The following CNTNAP4 variants were observed in gnomAD, a reference collection of about 807,000 sequenced individuals.
The protein encoded by CNTNAP4 is contactin-associated protein-like 4.
Under a neutral mutation model 148.4 loss-of-function variants are expected in CNTNAP4, and 98 were observed. That is an observed-to-expected ratio of 0.66 (90% CI 0.56 to 0.78). CNTNAP4 has a LOEUF of 0.78. CNTNAP4 is among the 30% of genes least tolerant of loss of function. CNTNAP4 has a pLI of 0.00. For synonymous variants in CNTNAP4, 730 were observed against 565.1 expected, an observed-to-expected ratio of 1.29 and a Z score of -4.14; for missense variants, 1,935 against 1,565.6, an observed-to-expected ratio of 1.24 and a Z score of -3.98.
chr16:76,542,873 G>A (rs2084524645), intron 21 of CNTNAP4, among the ~76,000 whole-genome samples: 2 of 152,302 alleles, frequency 1.3e-5, no homozygotes, highest in East Asian at 3.9e-4. Context: ...GAAATTTTAA[G>A]TAGGTTTTCT....
chr16:76,355,421 T>A lies in CNTNAP4; in HGVS notation c.300T>A (p.Tyr100Ter), dbSNP rs1290256588. Residue 100 changes from tyrosine (Y) to a stop codon, truncating the protein, a stop_gained, in exon 3 of 24, where the codon TAT (tyrosine) becomes TAA (stop). Coordinates refer to ENST00000611870, the MANE Select transcript of CNTNAP4 (RefSeq NM_033401.5). LOFTEE classifies it high-confidence loss of function. ...CCGCTGTGGCCACTCAAGGGGGATATGGTAGCTCCAACTGGGTGACCAGCT... is the reference window on the plus strand; with the variant it reads ...CCGCTGTGGCCACTCAAGGGGGATAAGGTAGCTCCAACTGGGTGACCAGCT... ...EVTAVATQGG[Y>*]GSSNWVTSYL... 2.5e-6 allele frequency: 4 copies of A among 1,613,306 alleles called. No individual in the cohort carries two copies. In the African/African-American group the frequency reaches 5.3e-5, roughly 22 times the overall value.
At chr16:76,384,473 G>A (rs538920645) in intron 3 of CNTNAP4, among the ~76,000 whole-genome samples, 17 of 152,164 alleles carry the variant, frequency 1.1e-4, no homozygotes, top group Non-Finnish European at 2.2e-4. Flanking sequence ...AGGGATGAAA[G>A]GAGGCCACCC....
intron 19 of CNTNAP4, 39 bp from the exon 20 acceptor site, chr16:76,539,680 G>A (rs762095965): frequency 7.2e-6 from 11 of 1,534,170 alleles, no homozygotes; most frequent in African/African-American, 1.4e-5. Context: ...CTCAAAGTAC[G>A]ATTTTTACTA....
chr16:76,521,012 C>G (rs1223773116), intron 15 of CNTNAP4, 128 bp from the exon 16 acceptor site: 6 of 798,276 alleles, frequency 7.5e-6, no homozygotes, highest in African/African-American at 1.7e-5. Flanking sequence ...AAAAAAAGAG[C>G]AGATTTGTAT....
At chr16:76,408,378 TAAC>T (rs1049692474) in intron 3 of CNTNAP4, among the ~76,000 whole-genome samples, 5 of 147,974 alleles carry the variant, frequency 3.4e-5, no homozygotes, top group African/African-American at 7.3e-5. Flanking sequence ...GTTAATCTAT[TAAC>T]AATTAACAGT....
intron 2 of CNTNAP4, among the ~76,000 whole-genome samples, chr16:76,355,086 C>G (rs757282368): frequency 2.6e-5 from 4 of 152,102 alleles, no homozygotes; most frequent in Non-Finnish European, 5.9e-5. Context: ...CCCTAGTTCT[C>G]CCAGTTTTAG....
At chr16:76,287,870 A>T (rs1309025355) in intron 1 of CNTNAP4, 2 of 152,232 alleles carry the variant, frequency 1.3e-5, no homozygotes, top group Non-Finnish European at 2.9e-5. Context: ...AAGAAAAAGC[A>T]AGTTTTGCCT....
At chr16:76,503,371 T>C (rs1241317443) in intron 15 of CNTNAP4, among the ~76,000 whole-genome samples, 1 of 152,140 alleles carries the variant, frequency 6.6e-6, no homozygotes, top group Admixed American at 6.5e-5. Flanking sequence ...TGGCAAAAAC[T>C]GCAATTACTT....
At chr16:76,383,489 A>G (rs1161534562) in intron 3 of CNTNAP4, among the ~76,000 whole-genome samples, 1 of 151,490 alleles carries the variant, frequency 6.6e-6, no homozygotes, top group Non-Finnish European at 1.5e-5. Flanking sequence ...TTTTTTTTTC[A>G]ATAGTTGATT....
At chr16:76,544,681 T>C (rs2084629796) in intron 21 of CNTNAP4, among the ~76,000 whole-genome samples, 1 of 152,260 alleles carries the variant, frequency 6.6e-6, no homozygotes, top group African/African-American at 2.4e-5. Flanking sequence ...TCTTGAGTTC[T>C]ATTCCTGGAC....
rs1487447344 is a variant in CNTNAP4, at chr16:76,539,751, T to C, written c.3253T>C (p.Tyr1085His). 1.2e-6 allele frequency: 2 copies of C among 1,600,384 alleles called. No individual in the cohort carries two copies. The highest frequency in any genetic ancestry group is 1.3e-5 in the African/African-American group (1 of 74,152). ...SLQIRYKLNKYQEPDVVNFDF... is the reference protein window; with the variant it reads ...SLQIRYKLNKHQEPDVVNFDF... ...GCAGATCAGGTACAAGTTAAATAAA[T>C]ATCAAGAGCCTGATGTTGTTAACTT... Residue 1085 changes from tyrosine (Y) to histidine (H), a missense_variant, in exon 20 of 24, where the codon TAT (tyrosine) becomes CAT (histidine). Coordinates refer to ENST00000611870, the MANE Select transcript of CNTNAP4 (RefSeq NM_033401.5).
chr16:76,470,978 A>G (rs2081348673), intron 10 of CNTNAP4, among the ~76,000 whole-genome samples: 1 of 152,092 alleles, frequency 6.6e-6, no homozygotes, highest in Non-Finnish European at 1.5e-5. Context: ...CAACTCACAT[A>G]TTAATCCTTA....
chr16:76,316,113 A>G (rs778736896), intron 1 of CNTNAP4: 219 of 445,002 alleles, frequency 4.9e-4, no homozygotes, highest in East Asian at 9.2e-4. Flanking sequence ...TTTAATTTTC[A>G]TACAGTTAAA....
intron 3 of CNTNAP4, among the ~76,000 whole-genome samples, chr16:76,420,675 C>T (rs774423680): frequency 3.3e-5 from 5 of 151,754 alleles, no homozygotes; most frequent in Admixed American, 2.0e-4. Flanking sequence ...AAACCATGAC[C>T]AAAAACAACA....
At chr16:76,511,838 G>GGAGA (rs61708542) in intron 15 of CNTNAP4, among the ~76,000 whole-genome samples, 6,138 of 147,622 alleles carry the variant, frequency 0.042, 357 homozygotes, top group African/African-American at 0.13. Flanking sequence ...ATATTTTCTT[G>GGAGA]GAGAGAGAGA....
intron 3 of CNTNAP4, among the ~76,000 whole-genome samples, chr16:76,372,771 A>G (rs1206944231): frequency 6.6e-6 from 1 of 152,182 alleles, no homozygotes; most frequent in Non-Finnish European, 1.5e-5. Context: ...CAGCATGAAA[A>G]TGGACTAATA....
intron 9 of CNTNAP4, among the ~76,000 whole-genome samples, chr16:76,466,840 C>T (rs890391496): frequency 6.6e-6 from 1 of 151,928 alleles, no homozygotes; most frequent in East Asian, 1.9e-4. Flanking sequence ...TAGGAAAATA[C>T]AATAATTAAT....
chr16:76,449,777 T>G lies in CNTNAP4; in HGVS notation c.990T>G (p.His330Gln). 1 of 1,599,242 alleles carries G rather than the reference T, an allele frequency of 6.3e-7. No individual in the cohort carries two copies. Among genetic ancestry groups the G allele is most frequent in the Non-Finnish European group, 8.5e-7 (1 of 1,172,026 alleles). Residue 330 changes from histidine (H) to glutamine (Q), a missense_variant, in exon 7 of 24, where the codon CAT becomes CAG. By Grantham distance (24) the His-to-Gln change is conservative. Transcript: ENST00000611870. ...TGTCATTCCCACATAGAAATTTTCA[T>G]GGATGTTTAGAAAATCTCTATTATA... ...KSVSFPHRNFHGCLENLYYNG... is the reference protein window; with the variant it reads ...KSVSFPHRNFQGCLENLYYNG...
chr16:76,544,370 A>G (rs2084611230), intron 21 of CNTNAP4, among the ~76,000 whole-genome samples: 1 of 152,178 alleles, frequency 6.6e-6, no homozygotes, highest in African/African-American at 2.4e-5. Context: ...AAAACATTCT[A>G]GGGGTAATTT....
Sources: gnomAD v4.1 joint callset for allele counts (sites outside exome capture counted in the v4.1 genomes callset) on GRCh38, gnomAD v4.1.1 for gene constraint, MANE v1.5 for transcripts, NCBI Gene and HGNC (gene_info 2026-07-23, HGNC 2026-07-21) for gene names.